The following TGM6 variants were observed in gnomAD, a reference collection of about 807,000 sequenced individuals.
The protein encoded by TGM6 is protein-glutamine gamma-glutamyltransferase 6.
Under a neutral mutation model 77.5 loss-of-function variants are expected in TGM6, and 74 were observed. That is an observed-to-expected ratio of 0.96 (90% CI 0.79 to 1.16). The LOEUF (loss-of-function observed/expected upper bound fraction) is 1.16. Ranked by LOEUF, TGM6 falls within the 50% of genes most tolerant of loss-of-function variation. The pLI, the probability that TGM6 is intolerant of heterozygous loss-of-function variation, is 0.00. For missense variants in TGM6, 968 were observed against 940.2 expected (o/e 1.03, Z -0.39); for synonymous variants, 383 against 378.9 (o/e 1.01, Z -0.12).
At position 2,399,722 on chromosome 20, in the gene TGM6, C is replaced by A. The variant is rs371740473; in HGVS notation, c.834C>A (p.Ala278=). 1.2e-6 allele frequency: 2 copies of A among 1,612,916 alleles called. No homozygotes were observed. Among genetic ancestry groups the A allele is most frequent in the South Asian group, 1.1e-5 (1 of 91,004 alleles). ...PVKYGQCWVF[A]GVLCTVLRCL... is the part of the protein sequence containing the mutation. ...AGTACGGCCAGTGCTGGGTCTTCGC[C>A]GGAGTCCTGTGCACAGGTACCCTGG... is the stretch of plus-strand genomic sequence containing the variant. Residue 278 remains alanine (A), a synonymous_variant, in exon 6 of 13, where the codon GCC becomes GCA. Coordinates refer to ENST00000202625, the MANE Select transcript of TGM6 (RefSeq NM_198994.3).
chr20:2,404,751 C>T lies in TGM6; in HGVS notation c.1336+928C>T, dbSNP rs779188179. On this transcript the variant is annotated intron_variant, in intron 9 of 12. Coordinates refer to ENST00000202625, the MANE Select transcript of TGM6 (RefSeq NM_198994.3). ...CGCCTCCTGGGTTCAAGCAATTCTC[C>T]TGCCTCACCCTCCCAAGTAGCTGGG... is the stretch of plus-strand genomic sequence containing the variant. Among the ~76,000 whole-genome samples the T allele has an allele frequency of 5.9e-5, 9 of 152,166 alleles. No homozygotes were observed. The East Asian group carries it at 7.7e-4, about 13-fold the overall frequency.
chr20:2,399,821 T>C (rs572747198), intron 6 of TGM6, 83 bp downstream of exon 6: 2 of 1,235,878 alleles, frequency 1.6e-6, no homozygotes, highest in East Asian at 5.0e-5. Flanking sequence ...TTGCATATGC[T>C]GCAACCCATC....
chr20:2,380,954 C>T lies in TGM6; in HGVS notation c.-15C>T. Reference sequence around the variant, plus strand: ...CTGCTGTGTGGAGGAACAGAGGAGTCCAGCTGGCCTTCACATGGCAGGTAA... The same window carrying T: ...CTGCTGTGTGGAGGAACAGAGGAGTTCAGCTGGCCTTCACATGGCAGGTAA... On this transcript the variant is annotated 5_prime_UTR_variant, in exon 1 of 13. Coordinates refer to ENST00000202625, the MANE Select transcript of TGM6 (RefSeq NM_198994.3). The T allele has an allele frequency of 6.2e-7, 1 of 1,606,852 alleles. No individual in the cohort carries two copies. Among genetic ancestry groups the T allele is most frequent in the South Asian group, 1.1e-5 (1 of 88,800 alleles).
intron 10 of TGM6, among the ~76,000 whole-genome samples, chr20:2,423,138 A>G (rs1225915277): frequency 1.3e-5 from 2 of 151,666 alleles, no homozygotes; most frequent in Non-Finnish European, 2.9e-5. Context: ...CACCATCGCA[A>G]CACTACTACC....
At chr20:2,386,362 T>G (rs1261296128) in intron 1 of TGM6, among the ~76,000 whole-genome samples, 2 of 151,630 alleles carry the variant, frequency 1.3e-5, no homozygotes, top group African/African-American at 4.8e-5. Context: ...ACCTCCTGGG[T>G]TATGGGGTGA....
intron 1 of TGM6, among the ~76,000 whole-genome samples, chr20:2,386,908 G>A (rs1488710891): frequency 1.3e-5 from 2 of 152,128 alleles, no homozygotes; most frequent in Non-Finnish European, 2.9e-5. Flanking sequence ...CAGCCCTGGG[G>A]CATACCAGGG....
At position 2,399,542 on chromosome 20, in the gene TGM6, C is replaced by T. The variant is rs202119055; in HGVS notation, c.673-19C>T. ...AGGAAGCCCTGCCTGGTTGTGGACC[C>T]GTGCCCTCCTCTGCCCAGGTGAACA... On this transcript the variant is annotated intron_variant, in intron 5 of 12. Transcript: ENST00000202625. 25 of 1,612,130 alleles carry T rather than the reference C, an allele frequency of 1.6e-5. No individual in the cohort carries two copies. In the South Asian group the frequency reaches 1.9e-4, roughly 12 times the overall value.
intron 1 of TGM6, among the ~76,000 whole-genome samples, chr20:2,384,073 C>G (rs542896054): frequency 4.1e-5 from 6 of 146,832 alleles, no homozygotes; most frequent in African/African-American, 7.6e-5. Context: ...TGCCACTGCA[C>G]TCCAGCCTGG....
At chr20:2,391,231 T>C (rs553366580) in intron 1 of TGM6, among the ~76,000 whole-genome samples, 1 of 151,882 alleles carries the variant, frequency 6.6e-6, no homozygotes, top group East Asian at 1.9e-4. Flanking sequence ...CTTAGGTGTA[T>C]GTTAGGAGGC....
intron 1 of TGM6, among the ~76,000 whole-genome samples, chr20:2,386,948 C>A (rs962730617): frequency 6.6e-6 from 1 of 152,148 alleles, no homozygotes; most frequent in Non-Finnish European, 1.5e-5. Context: ...GCAACCTCGT[C>A]GTCTGCTTCT....
chr20:2,408,954 A>G (rs569825371), intron 9 of TGM6, among the ~76,000 whole-genome samples: 1 of 152,222 alleles, frequency 6.6e-6, no homozygotes, highest in Admixed American at 6.5e-5. Flanking sequence ...GGAAGCGAAC[A>G]TTTGTCATTT....
At chr20:2,387,660 G>T (rs1280387950) in intron 1 of TGM6, among the ~76,000 whole-genome samples, 1 of 152,224 alleles carries the variant, frequency 6.6e-6, no homozygotes, top group African/African-American at 2.4e-5. Flanking sequence ...GGTTGTTGTG[G>T]TCTAGACAAG....
At position 2,417,364 on chromosome 20, in the gene TGM6, C is replaced by A; in HGVS notation, c.1469C>A (p.Ala490Asp). 4 of 1,613,866 alleles carry A rather than the reference C, an allele frequency of 2.5e-6. No homozygotes were observed. The highest frequency in any genetic ancestry group is 3.4e-6 in the Non-Finnish European group (4 of 1,180,012). The change falls in exon 10 of 13, where the codon GCC becomes GAC. Residue 490 changes from alanine to aspartate, a missense_variant. Coordinates refer to ENST00000202625, the MANE Select transcript of TGM6 (RefSeq NM_198994.3). ...CLWRDDLLEP[A>D]TKPSIAGKFK... ...TGGCGTGACGACCTCCTGGAGCCTG[C>A]CACCAAGCCCAGCATCGCTGGCAAG...
chr20:2,425,587 C>T (rs571742891), intron 10 of TGM6, among the ~76,000 whole-genome samples: 2 of 152,180 alleles, frequency 1.3e-5, no homozygotes, highest in South Asian at 2.1e-4. Flanking sequence ...CTTAAAGGTA[C>T]CTGAAGTCAG....
chr20:2,406,560 G>C (rs1405860317), intron 9 of TGM6, among the ~76,000 whole-genome samples: 1 of 151,634 alleles, frequency 6.6e-6, no homozygotes, highest in Non-Finnish European at 1.5e-5. Context: ...GACCAGCTGG[G>C]TGCAGTGGCT....
intron 7 of TGM6, 37 bp downstream of exon 7, chr20:2,400,481 G>A (rs1445003883): frequency 6.2e-7 from 1 of 1,613,556 alleles, no homozygotes; most frequent in Non-Finnish European, 8.5e-7. Context: ...GAGGGCTCTG[G>A]AAGCCCAGCA....
chr20:2,389,361 GA>G lies in TGM6; in HGVS notation c.8-5090del, dbSNP rs373145893. Among the ~76,000 whole-genome samples the G allele has an allele frequency of 4.6e-5, 7 of 152,278 alleles. 1 individual carries two copies. The East Asian group carries it at 7.7e-4, about 17-fold the overall frequency. ...ATGAACATGGCCCCAGCTAACATAT[GA>G]TTGCAACCCCATAAGAAACTCCAAT... On this transcript the variant is annotated intron_variant, in intron 1 of 12. Transcript: ENST00000202625.
chr20:2,393,000 CA>C (rs2084639032), intron 1 of TGM6, among the ~76,000 whole-genome samples: 1 of 152,234 alleles, frequency 6.6e-6, no homozygotes, highest in Non-Finnish European at 1.5e-5. Flanking sequence ...TTGAGCCATA[CA>C]GTCTCACCGC....
intron 10 of TGM6, among the ~76,000 whole-genome samples, chr20:2,422,542 T>G (rs986837286): frequency 1.3e-5 from 2 of 152,186 alleles, no homozygotes; most frequent in Non-Finnish European, 2.9e-5. Flanking sequence ...AAAGTTATAT[T>G]TACATTATAC....
Sources: gnomAD v4.1 joint callset for allele counts (sites outside exome capture counted in the v4.1 genomes callset) on GRCh38, gnomAD v4.1.1 for gene constraint, MANE v1.5 for transcripts, NCBI Gene and HGNC (gene_info 2026-07-23, HGNC 2026-07-21) for gene names.